USP8: variants seen among roughly 807,000 people sequenced by gnomAD.
USP8 encodes ubiquitin carboxyl-terminal hydrolase 8.
In USP8, 27 loss-of-function variants were observed where a neutral mutation model predicts 130.0. That is an observed-to-expected ratio of 0.21 (90% CI 0.15 to 0.29). USP8 has a LOEUF of 0.29. Ranked by LOEUF, USP8 falls within the 10% of genes least tolerant of loss-of-function variation. The pLI is 1.00. For synonymous variants in USP8, 392 were observed against 444.1 expected (o/e 0.88, Z 1.48); for missense variants, 1,029 against 1,312.2 (o/e 0.78, Z 3.33).
chr15:50,485,198 C>G (rs1003299956), intron 12 of USP8, among the ~76,000 whole-genome samples: 1 of 152,042 alleles, frequency 6.6e-6, no homozygotes, highest in Non-Finnish European at 1.5e-5. Flanking sequence ...AGCGGTGGCT[C>G]ACGCTTGTAA....
In USP8 at chr15:50,507,440, G is replaced by A. The variant is rs7161797; in HGVS notation, c.*8352G>A. ...TCAGATTAGGGATGCTCAACTTGTCGTAGGTAGATATGACCAAGAGAAAGC... is the reference window on the plus strand; with the variant it reads ...TCAGATTAGGGATGCTCAACTTGTCATAGGTAGATATGACCAAGAGAAAGC... On this transcript the variant is annotated 3_prime_UTR_variant, in exon 20 of 20. Coordinates refer to ENST00000307179, the MANE Select transcript of USP8 (RefSeq NM_005154.5). 4 of 152,270 alleles carry A rather than the reference G, an allele frequency of 2.6e-5. No individual in the cohort carries two copies. The highest frequency in any genetic ancestry group is 5.9e-5 in the Non-Finnish European group (4 of 68,042). 9.4% of individuals were successfully genotyped at this position (152,270 alleles called of 1,614,324 possible). A position where few individuals can be genotyped will look rare whatever the true frequency, so the allele number is the denominator to read the frequency against.
chr15:50,471,899 T>C, intron 8 of USP8, 104 bp downstream of exon 8: 1 of 1,215,458 alleles, frequency 8.2e-7, no homozygotes, highest in Non-Finnish European at 1.1e-6. Context: ...AGATTCATCA[T>C]GCCTTTTTTT....
At chr15:50,479,980 C>T (rs11070788) in intron 10 of USP8, among the ~76,000 whole-genome samples, 20,739 of 151,910 alleles carry the variant, frequency 0.14, 1,916 homozygotes, top group Middle Eastern at 0.27. Context: ...AGGCTGGTCT[C>T]GAACTCCTGG....
intron 3 of USP8, among the ~76,000 whole-genome samples, chr15:50,447,178 A>G (rs1000514209): frequency 7.9e-5 from 12 of 152,146 alleles, no homozygotes; most frequent in Non-Finnish European, 1.3e-4. Flanking sequence ...TTAATTCTTC[A>G]TATGCTCCAG....
At chr15:50,486,861 G>A (rs559762930) in intron 12 of USP8, among the ~76,000 whole-genome samples, 9 of 152,182 alleles carry the variant, frequency 5.9e-5, no homozygotes, top group African/African-American at 1.7e-4. Flanking sequence ...GGCCGGGTGC[G>A]GTGGTTCACA....
chr15:50,479,994 C>T (rs1047604157), intron 10 of USP8, among the ~76,000 whole-genome samples: 1 of 152,168 alleles, frequency 6.6e-6, no homozygotes, highest in African/African-American at 2.4e-5. Context: ...CTCCTGGCCT[C>T]AAGTGATCTA....
At chr15:50,449,785 G>C (rs1412909097) in intron 4 of USP8, among the ~76,000 whole-genome samples, 2 of 151,052 alleles carry the variant, frequency 1.3e-5, no homozygotes, top group African/African-American at 4.9e-5. Flanking sequence ...GTTTCACCAT[G>C]TTAGCCAGGA....
intron 3 of USP8, among the ~76,000 whole-genome samples, chr15:50,447,760 T>G (rs1055222794): frequency 8.0e-4 from 111 of 138,480 alleles, no homozygotes; most frequent in Non-Finnish European, 9.7e-4. Context: ...TTTTTTTTTT[T>G]GTCTTTTTTT....
chr15:50,455,041 G>C (rs2050749308), intron 4 of USP8, among the ~76,000 whole-genome samples: 1 of 143,202 alleles, frequency 7.0e-6, no homozygotes, highest in Non-Finnish European at 1.6e-5. Flanking sequence ...ATTTTGTGTT[G>C]AGTGAATTTT....
intron 5 of USP8, 25 bp from the exon 6 acceptor site, chr15:50,462,255 A>G (rs755618190): frequency 1.3e-6 from 2 of 1,573,126 alleles, no homozygotes; most frequent in African/African-American, 1.4e-5. Context: ...GAAAGTTGAA[A>G]CTTTTTTTTT....
chr15:50,480,953 G>A (rs1193558011), intron 10 of USP8, among the ~76,000 whole-genome samples: 1 of 151,960 alleles, frequency 6.6e-6, no homozygotes, highest in African/African-American at 2.4e-5. Context: ...AATTAACAGC[G>A]TGCAGAAGGA....
rs2052719662 is a variant in USP8 at position 50,510,252 on chromosome 15, T to G, written c.*11164T>G. The G allele has an allele frequency of 6.6e-6, 1 of 152,142 alleles. No individual in the cohort carries two copies. The highest frequency in any genetic ancestry group is 1.5e-5 in the Non-Finnish European group (1 of 68,020). The allele number at this position is 152,142 out of a possible 1,614,324, so 9.4% of individuals were successfully genotyped here. ...ATTTATACTACATTTTTGTCAGAAG[T>G]GCAAAACAATTTAAATGTTTGGAAG... On this transcript the variant is annotated 3_prime_UTR_variant, in exon 20 of 20. Coordinates refer to ENST00000307179, the MANE Select transcript of USP8 (RefSeq NM_005154.5).
In USP8 at chr15:50,500,677, G is replaced by T; in HGVS notation, c.*1589G>T. ...CTCTTAACGCTTTTGTATTGGTATG[G>T]AAAAGGGCTGGCAGCTATAGAACAG... On this transcript the variant is annotated 3_prime_UTR_variant, in exon 20 of 20. Coordinates refer to ENST00000307179, the MANE Select transcript of USP8 (RefSeq NM_005154.5). The T allele has an allele frequency of 7.8e-7, 1 of 1,286,460 alleles. No homozygotes were observed. Among genetic ancestry groups the T allele is most frequent in the Non-Finnish European group, 1.1e-6 (1 of 909,852 alleles). The allele number at this position is 1,286,460 out of a possible 1,614,324, so 79.7% of individuals were successfully genotyped here.
rs2051606796 is a variant in USP8, at chr15:50,477,485, A to C, written c.1204A>C (p.Lys402Gln). The C allele has an allele frequency of 6.2e-7, 1 of 1,612,646 alleles. No homozygotes were observed. The highest frequency in any genetic ancestry group is 1.7e-5 in the Admixed American group (1 of 59,612). Reference protein sequence around the residue: ...SPIIQPVPSIKNVPQIDRTKK... With the variant: ...SPIIQPVPSIQNVPQIDRTKK... ...CATAATTCAGCCAGTGCCTAGTATA[A>C]AGAATGTTCCACAGGTATGTTCTTG... The change falls in exon 10 of 20, where the codon AAG becomes CAG. Residue 402 changes from lysine to glutamine, a missense_variant. Lys to Gln is a moderately conservative substitution (Grantham distance 53, BLOSUM62 1). Around this residue, in one of 4 missense-constraint regions of USP8, gnomAD observed 486 missense variants for 522.0 expected, o/e 0.93. Transcript: ENST00000307179.
chr15:50,458,726 C>T, intron 4 of USP8: 2 of 284,772 alleles, frequency 7.0e-6, no homozygotes, highest in African/African-American at 2.2e-5. Context: ...AGATTTGAAT[C>T]AATATAAAAG....
chr15:50,438,323 C>T (rs924772475), intron 1 of USP8, among the ~76,000 whole-genome samples: 3 of 152,242 alleles, frequency 2.0e-5, no homozygotes, highest in African/African-American at 7.2e-5. Context: ...GTGGCTTACG[C>T]CTGTAATCCC....
At chr15:50,478,646 G>A (rs1468851469) in intron 10 of USP8, among the ~76,000 whole-genome samples, 2 of 152,164 alleles carry the variant, frequency 1.3e-5, no homozygotes, top group African/African-American at 4.8e-5. Context: ...GCTTCTCTAT[G>A]TTATTGCATT....
At chr15:50,462,010 T>C (rs1263674124) in intron 5 of USP8, among the ~76,000 whole-genome samples, 1 of 152,202 alleles carries the variant, frequency 6.6e-6, no homozygotes, top group Non-Finnish European at 1.5e-5. Flanking sequence ...TCTGTAGCAG[T>C]TTGTGCTGTT....
At chr15:50,439,948 C>T (rs563139596) in intron 2 of USP8, among the ~76,000 whole-genome samples, 37 of 151,990 alleles carry the variant, frequency 2.4e-4, no homozygotes, top group Non-Finnish European at 4.0e-4. Context: ...ATTAACTTGG[C>T]ATGGTGGCAT....
Sources: allele counts gnomAD v4.1 joint callset (sites outside exome capture counted in the v4.1 genomes callset), GRCh38; gene constraint gnomAD v4.1.1; regional missense constraint gnomAD v4.1.1; transcripts MANE v1.5; gene names NCBI Gene and HGNC (gene_info 2026-07-23, HGNC 2026-07-21).